Variants in AFAP1 observed in about 807,000 individuals in gnomAD.
AFAP1 encodes the protein actin filament-associated protein 1.
Under a neutral mutation model 93.9 loss-of-function variants are expected in AFAP1, and 75 were observed. The ratio of observed to expected loss-of-function variants is 0.80; its 90% CI spans 0.66 to 0.97. The LOEUF is 0.97. Ranked by LOEUF, AFAP1 falls within the 50% of genes least tolerant of loss-of-function variation. The pLI is 0.00. For missense variants in AFAP1, 1,201 were observed against 1,050.8 expected (o/e 1.14, Z -1.98); for synonymous variants, 517 against 430.7 (o/e 1.20, Z -2.48).
chr4:7,810,365 G>A (rs1205334893), intron 8 of AFAP1, among the ~76,000 whole-genome samples: 2 of 152,230 alleles, frequency 1.3e-5, no homozygotes, highest in African/African-American at 4.8e-5. Flanking sequence ...AATTAGCCAT[G>A]CACATCTCAG....
chr4:7,796,188 C>T (rs562545710), intron 10 of AFAP1, among the ~76,000 whole-genome samples: 8 of 152,236 alleles, frequency 5.3e-5, no homozygotes, highest in East Asian at 1.9e-4. Context: ...CTCAACTCTC[C>T]GCCATTCTCC....
At chr4:7,821,439 T>C (rs1331446238) in intron 6 of AFAP1, among the ~76,000 whole-genome samples, 2 of 152,138 alleles carry the variant, frequency 1.3e-5, no homozygotes, top group African/African-American at 4.8e-5. Flanking sequence ...CAGGATTCCG[T>C]GCACGAGGGC....
chr4:7,915,735 C>A (rs1264423553), intron 1 of AFAP1, among the ~76,000 whole-genome samples: 3 of 152,366 alleles, frequency 2.0e-5, no homozygotes, highest in South Asian at 2.1e-4. Context: ...GAAAGGAGAA[C>A]CCCCACAAAA....
chr4:7,813,579 A>G (rs1720229599), intron 8 of AFAP1, among the ~76,000 whole-genome samples: 1 of 152,214 alleles, frequency 6.6e-6, no homozygotes, highest in African/African-American at 2.4e-5. Context: ...GCTGTGCCTC[A>G]ACTTCTAAGC....
intron 11 of AFAP1, among the ~76,000 whole-genome samples, chr4:7,789,854 AAG>A (rs1717703209): frequency 6.6e-6 from 1 of 152,218 alleles, no homozygotes; most frequent in Non-Finnish European, 1.5e-5. Flanking sequence ...GTGTGACTTG[AAG>A]AGAGTTTCAG....
Position 7,785,484 on chromosome 4 carries a change from T to C in AFAP1, c.1530+710A>G, listed in dbSNP as rs142944269. Among the ~76,000 whole-genome samples, 1,032 of 152,346 alleles carry C rather than the reference T, an allele frequency of 6.8e-3. 17 individuals carry two copies. The highest frequency in any genetic ancestry group is 7.9e-3 in the South Asian group (38 of 4,830). On this transcript the variant is annotated intron_variant, in intron 12 of 17. Coordinates refer to ENST00000420658, the MANE Select transcript of AFAP1 (RefSeq NM_001134647.2). ...GTCATTCCTCTATGTCATCATTTCC[T>C]TCCTGAGGGGATTTCACAGCATTTT...
intron 5 of AFAP1, among the ~76,000 whole-genome samples, chr4:7,840,669 C>T (rs1712906102): frequency 6.6e-6 from 1 of 152,034 alleles, no homozygotes; most frequent in Non-Finnish European, 1.5e-5. Flanking sequence ...GAAATACATC[C>T]CCTTTTTAAA....
intron 5 of AFAP1, among the ~76,000 whole-genome samples, chr4:7,839,610 T>C (rs555247969): frequency 1.3e-5 from 2 of 152,332 alleles, no homozygotes; most frequent in South Asian, 2.1e-4. Flanking sequence ...ATAACAGCAA[T>C]GTATAATATA....
Position 7,938,724 on chromosome 4 carries a change from G to C in AFAP1, c.-3+932C>G, listed in dbSNP as rs186879318. On this transcript the variant is annotated intron_variant, in intron 1 of 17. Transcript: ENST00000420658. Reference sequence around the variant, plus strand: ...CGCTGAGAGCTACAAAGTTCAATCTGGCTTTCCAGATTTTTTTTTTCTTCC... The same window carrying C: ...CGCTGAGAGCTACAAAGTTCAATCTCGCTTTCCAGATTTTTTTTTTCTTCC... 3.5e-3 allele frequency among the ~76,000 whole-genome samples: 528 copies of C among 151,996 alleles called. 3 individuals carry two copies. The highest frequency in any genetic ancestry group is 0.012 in the African/African-American group (502 of 41,306).
intron 14 of AFAP1, chr4:7,777,694 T>C (rs527974806): frequency 1.6e-4 from 24 of 152,308 alleles, no homozygotes; most frequent in African/African-American, 5.5e-4. Context: ...GGCGATGGCA[T>C]GTAACCACAT....
chr4:7,889,434 G>A (rs7691757), intron 1 of AFAP1, among the ~76,000 whole-genome samples: 3 of 150,746 alleles, frequency 2.0e-5, no homozygotes, highest in Non-Finnish European at 4.4e-5. Context: ...TGTAGCCCCA[G>A]CTACTCGGGA....
chr4:7,925,102 C>A (rs979898888), intron 1 of AFAP1, among the ~76,000 whole-genome samples: 1 of 152,184 alleles, frequency 6.6e-6, no homozygotes, highest in Non-Finnish European at 1.5e-5. Flanking sequence ...GACTCCCTTG[C>A]CACAGCAGCT....
rs5855989 is a variant in AFAP1 at position 7,840,305 on chromosome 4, G to GGTGTGT, written c.547-1608_547-1603dup. Among the ~76,000 whole-genome samples, 379 of 131,274 alleles carry GGTGTGT rather than the reference G, an allele frequency of 2.9e-3. 1 individual carries two copies. The highest frequency in any genetic ancestry group is 1.4e-3 in the African/African-American group (50 of 35,382). 86.1% of individuals were successfully genotyped at this position (131,274 alleles called of 152,430 possible). A position where few individuals can be genotyped will look rare whatever the true frequency, so the allele number is the denominator to read the frequency against. On this transcript the variant is annotated intron_variant, in intron 5 of 17. Transcript: ENST00000420658. The stretch of plus-strand genomic sequence containing the variant: ...GTGTGTGTTCCTGGTTTGTTTTTGG[G>GGTGTGT]GTGTGTGTGTGTGTGTGTGTGTGTT...
chr4:7,843,611 C>T (rs1463077631), intron 4 of AFAP1: 13 of 389,098 alleles, frequency 3.3e-5, no homozygotes, highest in Admixed American at 2.2e-4. Context: ...TTCATATGGA[C>T]GGGACCCCAC....
At chr4:7,878,085 G>A (rs893060183) in intron 1 of AFAP1, among the ~76,000 whole-genome samples, 3 of 152,222 alleles carry the variant, frequency 2.0e-5, no homozygotes, top group African/African-American at 4.8e-5. Context: ...AAGAAGGGAA[G>A]AAGTTCTTGC....
At chr4:7,865,649 A>C (rs550608151) in intron 3 of AFAP1, among the ~76,000 whole-genome samples, 36 of 152,210 alleles carry the variant, frequency 2.4e-4, no homozygotes, top group Non-Finnish European at 4.9e-4. Flanking sequence ...GAAGAAGACA[A>C]CACAGAAGTG....
rs115045523 is a variant in AFAP1, at chr4:7,841,573, G to A, written c.546+1566C>T. On this transcript the variant is annotated intron_variant, in intron 5 of 17. Coordinates refer to ENST00000420658, the MANE Select transcript of AFAP1 (RefSeq NM_001134647.2). ...CTGGGAACATTTAGGGGAAGAACAT[G>A]GCTTTTCCTTTTCTGTGCTGTTTAA... Among the ~76,000 whole-genome samples the A allele has an allele frequency of 4.5e-3, 683 of 152,288 alleles. 2 individuals are homozygous for A. The highest frequency in any genetic ancestry group is 7.5e-3 in the Non-Finnish European group (511 of 68,028).
intron 15 of AFAP1, chr4:7,773,740 T>C (rs1414017455): frequency 1.3e-5 from 2 of 152,446 alleles, no homozygotes; most frequent in African/African-American, 4.8e-5. Flanking sequence ...CCTCCTCCCG[T>C]AGGGTCAGCC....
At chr4:7,772,766 C>T in intron 16 of AFAP1, 54 bp downstream of exon 16, 2 of 1,558,038 alleles carry the variant, frequency 1.3e-6, no homozygotes, top group Non-Finnish European at 8.7e-7. Context: ...GTGCACTGGC[C>T]CTCGGCCACG....
Sources: gnomAD v4.1 joint callset for allele counts (sites outside exome capture counted in the v4.1 genomes callset) on GRCh38, gnomAD v4.1.1 for gene constraint, MANE v1.5 for transcripts, NCBI Gene and HGNC (gene_info 2026-07-23, HGNC 2026-07-21) for gene names.